RSRP1: variants seen among roughly 807,000 people sequenced by gnomAD.
RSRP1 encodes arginine and serine rich protein 1, also known as arginine/serine-rich protein 1.
In RSRP1, 37 loss-of-function variants were observed where a neutral mutation model predicts 33.0. The observed-to-expected ratio is 1.12, with a 90% CI of 0.86 to 1.48. The LOEUF (loss-of-function observed/expected upper bound fraction) is 1.48. Ranked by LOEUF, RSRP1 falls within the 40% of genes most tolerant of loss-of-function variation. The pLI is 0.00. For synonymous variants in RSRP1, 167 were observed against 158.7 expected (o/e 1.05, Z -0.40); for missense variants, 402 against 385.3 (o/e 1.04, Z -0.36).
chr1:25,270,526 G>A lies in RSRP1; in HGVS notation c.-66-23497C>T, dbSNP rs544021683. 2.0e-4 allele frequency among the ~76,000 whole-genome samples: 27 copies of A among 131,866 alleles called. 7 individuals are homozygous for A. The highest frequency in any genetic ancestry group is 7.1e-4 in the South Asian group (3 of 4,236). 86.5% of individuals were successfully genotyped at this position (131,866 alleles called of 152,430 possible). A position where few individuals can be genotyped will look rare whatever the true frequency, so the allele number is the denominator to read the frequency against. On this transcript the variant is annotated intron_variant, in intron 1 of 1. Transcript: ENST00000561867. The stretch of plus-strand genomic sequence containing the variant: ...TCTAACTAATGCCTGATGATCTGAG[G>A]TGGAACAGTTTCATCCCCAAACCAT...
chr1:25,269,638 C>A (rs975418282), intron 1 of RSRP1, among the ~76,000 whole-genome samples: 4 of 132,588 alleles, frequency 3.0e-5, no homozygotes, highest in African/African-American at 1.0e-4. Context: ...AGGTGACCTG[C>A]CTTGAAGATT....
At position 25,312,945 on chromosome 1, in the gene RSRP1, A is replaced by AAAAAAAAAAAC. The variant is rs1644238087; in HGVS notation, c.-67+25022_-67+25032dup. Among the ~76,000 whole-genome samples the AAAAAAAAAAAC allele has an allele frequency of 1.8e-5, 2 of 110,132 alleles. 1 individual carries two copies. The highest frequency in any genetic ancestry group is 4.3e-5 in the Non-Finnish European group (2 of 46,082). 72.3% of individuals were successfully genotyped at this position (110,132 alleles called of 152,430 possible). ...TAAAAAAAAAAAAAAAAAAAAAAAA[A>AAAAAAAAAAAC]AAAAAAAAAACTTTAGTGCTATTGG... On this transcript the variant is annotated intron_variant, in intron 1 of 1. Transcript: ENST00000561867.
chr1:25,275,392 C>T (rs1255127410), intron 1 of RSRP1, among the ~76,000 whole-genome samples: 4 of 132,168 alleles, frequency 3.0e-5, no homozygotes, highest in African/African-American at 1.0e-4. Context: ...GAATAGTAAA[C>T]AGCAGCGAGA....
chr1:25,278,339 C>T (rs1032090038), intron 1 of RSRP1, among the ~76,000 whole-genome samples: 1 of 129,854 alleles, frequency 7.7e-6, no homozygotes, highest in Non-Finnish European at 1.8e-5. Flanking sequence ...GTTAAGGGGC[C>T]TATGATATGC....
At chr1:25,259,264 T>G (rs2124560329) in intron 1 of RSRP1, among the ~76,000 whole-genome samples, 1 of 151,972 alleles carries the variant, frequency 6.6e-6, no homozygotes, top group African/African-American at 2.4e-5. Flanking sequence ...GCTAATTTTT[T>G]GTATTTTTAG....
chr1:25,281,768 C>G lies in RSRP1; in HGVS notation c.-66-34739G>C, dbSNP rs145695649. On this transcript the variant is annotated intron_variant, in intron 1 of 1. Transcript: ENST00000561867. ...CTTCCTAATGCCCACTTCTCACCCA[C>G]GCCCCAAATCCCCAGGTCCCATGGA... 8.9e-3 allele frequency among the ~76,000 whole-genome samples: 1,174 copies of G among 131,936 alleles called. 175 individuals are homozygous for G. Among genetic ancestry groups the G allele is most frequent in the African/African-American group, 0.027 (1,032 of 38,630 alleles). 86.6% of individuals were successfully genotyped at this position (131,936 alleles called of 152,430 possible).
rs1640852380 is a variant in RSRP1, at chr1:25,275,173, C to T, written c.-66-28144G>A. 1.5e-5 allele frequency among the ~76,000 whole-genome samples: 2 copies of T among 131,724 alleles called. 1 individual carries two copies. The highest frequency in any genetic ancestry group is 3.6e-5 in the Non-Finnish European group (2 of 55,672). 86.4% of individuals were successfully genotyped at this position (131,724 alleles called of 152,430 possible). On this transcript the variant is annotated intron_variant, in intron 1 of 1. Coordinates refer to the RSRP1 transcript ENST00000561867. ...GATGTGGTGGCACGTGCCTGTAGTC[C>T]CAGCTGCTTGGGAAGCTGAGGGAGG...
intron 1 of RSRP1, among the ~76,000 whole-genome samples, chr1:25,300,434 C>A (rs2124672340): frequency 7.9e-6 from 1 of 127,380 alleles, no homozygotes; most frequent in African/African-American, 2.7e-5. Flanking sequence ...ATTGCTTGAG[C>A]CTGGGAGTTG....
chr1:25,263,380 T>TA (rs1276610357), intron 1 of RSRP1, among the ~76,000 whole-genome samples: 1 of 151,702 alleles, frequency 6.6e-6, no homozygotes, highest in Non-Finnish European at 1.5e-5. Flanking sequence ...TTAATGGACT[T>TA]ACAGTTCCAC....
intron 1 of RSRP1, among the ~76,000 whole-genome samples, chr1:25,260,272 A>C (rs530657246): frequency 6.6e-6 from 1 of 152,370 alleles, no homozygotes; most frequent in South Asian, 2.1e-4. Flanking sequence ...TTGAAAAATA[A>C]AAATGAACAA....
Position 25,277,858 on chromosome 1 carries a change from G to C in RSRP1, c.-66-30829C>G, listed in dbSNP as rs1641148551. 1.5e-5 allele frequency among the ~76,000 whole-genome samples: 2 copies of C among 130,816 alleles called. 1 individual carries two copies. Among genetic ancestry groups the C allele is most frequent in the South Asian group, 4.7e-4 (2 of 4,248 alleles). 85.8% of individuals were successfully genotyped at this position (130,816 alleles called of 152,430 possible). ...CCCGGCTAATTTTGTATTTTTAGTA[G>C]AGATGGGGTTTCTCCATGTTGGTGA... On this transcript the variant is annotated intron_variant, in intron 1 of 1. Transcript: ENST00000561867.
chr1:25,260,596 A>G (rs577645997), intron 1 of RSRP1, among the ~76,000 whole-genome samples: 3 of 152,326 alleles, frequency 2.0e-5, no homozygotes, highest in South Asian at 2.1e-4. Context: ...TTGGGCTACC[A>G]TAACAGCAGC....
chr1:25,282,274 G>T (rs533852489), intron 1 of RSRP1, among the ~76,000 whole-genome samples: 1 of 131,086 alleles, frequency 7.6e-6, no homozygotes, highest in Non-Finnish European at 1.8e-5. Context: ...TCACTGTGTC[G>T]CCCAGGCTGG....
Position 25,276,378 on chromosome 1 carries a change from GT to G in RSRP1, c.-66-29350del, listed in dbSNP as rs1216691151. On this transcript the variant is annotated intron_variant, in intron 1 of 1. Coordinates refer to the RSRP1 transcript ENST00000561867. ...GTAGGGTCATCGTGCTGTTCTCTCT[GT>G]TTTCGTATATGCTTTAAAAGTTCTG... 2.5e-5 allele frequency among the ~76,000 whole-genome samples: 3 copies of G among 120,034 alleles called. 1 individual carries two copies. The highest frequency in any genetic ancestry group is 8.8e-5 in the African/African-American group (3 of 34,136). 78.7% of individuals were successfully genotyped at this position (120,034 alleles called of 152,430 possible). A position where few individuals can be genotyped will look rare whatever the true frequency, so the allele number is the denominator to read the frequency against.
At chr1:25,316,558 G>C (rs1304628877) in intron 1 of RSRP1, among the ~76,000 whole-genome samples, 2 of 97,514 alleles carry the variant, frequency 2.1e-5, no homozygotes, top group African/African-American at 6.5e-5. Flanking sequence ...GTTGCAGTGA[G>C]CCGACCACTG....
chr1:25,322,291 C>G (rs116147445), intron 1 of RSRP1, among the ~76,000 whole-genome samples: 2,969 of 132,398 alleles, frequency 0.022, 493 homozygotes, highest in African/African-American at 0.07. Context: ...TGACAGAACC[C>G]CACAATGCAA....
intron 1 of RSRP1, among the ~76,000 whole-genome samples, chr1:25,336,809 TC>T (rs1557579577): frequency 6.6e-6 from 1 of 150,872 alleles, no homozygotes; most frequent in African/African-American, 2.5e-5. Context: ...ACGATAAACC[TC>T]CTGAGTGGTA....
intron 1 of RSRP1, among the ~76,000 whole-genome samples, chr1:25,264,306 A>G (rs1640253075): frequency 6.6e-6 from 1 of 151,952 alleles, no homozygotes; most frequent in South Asian, 2.1e-4. Flanking sequence ...CTCCTGCAGC[A>G]AACTTCTGAC....
chr1:25,246,653 TA>T lies in RSRP1; in HGVS notation c.310del (p.Tyr104ThrfsTer67). On this transcript the variant is annotated frameshift_variant, in exon 2 of 5. Transcript: ENST00000243189. LOFTEE classifies it high-confidence loss of function. ...CCGGTACCGCGAAGGAGACCGGTAG[TA>T]TCTCCTGGTGAACCCGTAGCGCCTC... ...RERRYGFTRR[Y>X]YRSPSRYRSR... The T allele has an allele frequency of 6.2e-7, 1 of 1,613,946 alleles. No individual in the cohort carries two copies.
Sources: allele counts gnomAD v4.1 joint callset (sites outside exome capture counted in the v4.1 genomes callset), GRCh38; gene constraint gnomAD v4.1.1; transcripts MANE v1.5; gene names NCBI Gene and HGNC (gene_info 2026-07-23, HGNC 2026-07-21).